The following ZNF254 variants were observed in gnomAD, a reference collection of about 807,000 sequenced individuals.
ZNF254 encodes zinc finger protein 254, also known as CTD-2017D11.1.
In ZNF254, 10 loss-of-function variants were observed where a neutral mutation model predicts 12.4. The observed-to-expected ratio is 0.80, with a 90% CI of 0.50 to 1.36. The LOEUF is 1.36. Ranked by LOEUF, ZNF254 falls within the 40% of genes most tolerant of loss-of-function variation. The pLI, the probability that ZNF254 is intolerant of heterozygous loss-of-function variation, is 0.00. For missense variants in ZNF254, 996 were observed against 763.9 expected (o/e 1.30, Z -3.58); for synonymous variants, 305 against 253.4 (o/e 1.20, Z -1.93).
At chr19:24,081,737 A>G (rs1971852396) in intron 2 of ZNF254, among the ~76,000 whole-genome samples, 1 of 152,198 alleles carries the variant, frequency 6.6e-6, no homozygotes, top group Admixed American at 6.5e-5. Flanking sequence ...AAGGGTTTAA[A>G]TATTGATTAG....
At chr19:24,080,601 G>A (rs1025900853) in intron 2 of ZNF254, 3 of 152,190 alleles carry the variant, frequency 2.0e-5, no homozygotes, top group Admixed American at 6.5e-5. Context: ...GAAGGCCGAG[G>A]TGGGTGGATG....
chr19:24,117,267 G>T lies in ZNF254; in HGVS notation c.254-8987G>T, dbSNP rs188778233. Among the ~76,000 whole-genome samples the T allele has an allele frequency of 7.9e-5, 12 of 152,242 alleles. No individual in the cohort carries two copies. In the East Asian group the frequency reaches 1.7e-3, roughly 22 times the overall value. On this transcript the variant is annotated intron_variant, in intron 3 of 3. Coordinates refer to ENST00000357002, the MANE Select transcript of ZNF254 (RefSeq NM_203282.4). ...ATTTAAGTCTGCAGAGGTTACTGCT[G>T]TCTTGTTTGTCTGTGCCCTGCCCCC...
chr19:24,071,688 G>A (rs188174856), intron 2 of ZNF254, among the ~76,000 whole-genome samples: 1 of 152,254 alleles, frequency 6.6e-6, no homozygotes, highest in Admixed American at 6.5e-5. Context: ...CAGCCTGGGT[G>A]ACAGAGTGAG....
chr19:24,118,150 T>G (rs1974233833), intron 3 of ZNF254, among the ~76,000 whole-genome samples: 1 of 151,724 alleles, frequency 6.6e-6, no homozygotes, highest in Non-Finnish European at 1.5e-5. Context: ...CCTCCCGGGT[T>G]TCAAGCGATT....
intron 2 of ZNF254, among the ~76,000 whole-genome samples, chr19:24,075,046 C>A (rs970128412): frequency 8.5e-5 from 13 of 152,186 alleles, no homozygotes; most frequent in African/African-American, 3.1e-4. Flanking sequence ...GGAACCAGCA[C>A]CTGCATAATA....
chr19:24,048,026 T>C (rs1460877856), intron 2 of ZNF254, among the ~76,000 whole-genome samples: 7 of 144,662 alleles, frequency 4.8e-5, no homozygotes, highest in Admixed American at 1.4e-4. Flanking sequence ...TTTTTTTTTT[T>C]GCGTTAGTCT....
chr19:24,107,262 A>C lies in ZNF254; in HGVS notation c.253+619A>C, dbSNP rs1599724598. 9 of 644,856 alleles carry C rather than the reference A, an allele frequency of 1.4e-5. No homozygotes were observed. The East Asian group carries it at 2.7e-4, about 20-fold the overall frequency. The allele number at this position is 644,856 out of a possible 1,614,324, so 39.9% of individuals were successfully genotyped here. A position where few individuals can be genotyped will look rare whatever the true frequency, so the allele number is the denominator to read the frequency against. On this transcript the variant is annotated intron_variant, in intron 3 of 3. Coordinates refer to ENST00000357002, the MANE Select transcript of ZNF254 (RefSeq NM_203282.4). The stretch of plus-strand genomic sequence containing the variant: ...GAAGAAAAACACTGGAATTTTGATA[A>C]GGAGTTCTTTAAATCTACAGGTCAC...
intron 2 of ZNF254, among the ~76,000 whole-genome samples, chr19:24,050,160 T>C (rs954674049): frequency 2.0e-5 from 3 of 152,078 alleles, no homozygotes; most frequent in Non-Finnish European, 4.4e-5. Flanking sequence ...ATATTTTATT[T>C]ATTTTAATTT....
intron 3 of ZNF254, among the ~76,000 whole-genome samples, chr19:24,121,591 C>T (rs915000633): frequency 2.0e-4 from 31 of 151,930 alleles, no homozygotes; most frequent in Non-Finnish European, 3.7e-4. Flanking sequence ...GAGTTTTGCT[C>T]TTCTTGACCA....
chr19:24,078,908 C>G (rs1017055286), intron 2 of ZNF254: 1 of 152,128 alleles, frequency 6.6e-6, no homozygotes, highest in African/African-American at 2.4e-5. Context: ...TCAGGGCTGT[C>G]TACAACAAAA....
At chr19:24,046,777 GT>G (rs1339112158) in intron 2 of ZNF254, among the ~76,000 whole-genome samples, 1 of 151,990 alleles carries the variant, frequency 6.6e-6, no homozygotes, top group Non-Finnish European at 1.5e-5. Context: ...AACAGCTGGT[GT>G]GGCCTCCTGG....
At chr19:24,064,958 G>A (rs1293361851) in intron 2 of ZNF254, among the ~76,000 whole-genome samples, 4 of 152,030 alleles carry the variant, frequency 2.6e-5, no homozygotes, top group African/African-American at 4.8e-5. Flanking sequence ...TTTCTGTTCC[G>A]CTTGAGCACT....
At chr19:24,101,849 T>C (rs1481628692) in intron 1 of ZNF254, among the ~76,000 whole-genome samples, 1 of 152,224 alleles carries the variant, frequency 6.6e-6, no homozygotes, top group Non-Finnish European at 1.5e-5. Flanking sequence ...ATTTTGCTTC[T>C]GTCTTAGTGT....
chr19:24,115,372 G>T (rs1179196881), intron 3 of ZNF254, among the ~76,000 whole-genome samples: 1 of 152,076 alleles, frequency 6.6e-6, no homozygotes, highest in Non-Finnish European at 1.5e-5. Flanking sequence ...CATGTCCTTT[G>T]TAGGGACATG....
rs577438895 is a variant in ZNF254, at chr19:24,036,727, C to T, written c.-190+3106C>T. Among the ~76,000 whole-genome samples the T allele has an allele frequency of 3.0e-4, 46 of 152,148 alleles. 1 individual carries two copies. Among genetic ancestry groups the T allele is most frequent in the Non-Finnish European group, 2.1e-4 (14 of 68,026 alleles). On this transcript the variant is annotated intron_variant, in intron 1 of 4. Transcript: ENST00000613065. ...TCTGCACACAGGCTGTCACAATGCA[C>T]ATTGTCCTGTGATTCCAGATCTCTT...
chr19:24,089,693 T>TCAC (rs1972250907), intron 1 of ZNF254, among the ~76,000 whole-genome samples: 1 of 152,054 alleles, frequency 6.6e-6, no homozygotes, highest in Non-Finnish European at 1.5e-5. Flanking sequence ...AAAAGGCATT[T>TCAC]CCTAGTGCAC....
chr19:24,096,880 A>G (rs1332547101), intron 1 of ZNF254, among the ~76,000 whole-genome samples: 1 of 152,212 alleles, frequency 6.6e-6, no homozygotes, highest in East Asian at 1.9e-4. Context: ...TTTTTCTCCC[A>G]TAAGCATTCT....
chr19:24,061,700 G>A (rs774519656), intron 2 of ZNF254, among the ~76,000 whole-genome samples: 9 of 152,048 alleles, frequency 5.9e-5, no homozygotes, highest in Non-Finnish European at 1.3e-4. Flanking sequence ...CATATATCTC[G>A]GCCCAGCTCA....
In ZNF254 at chr19:24,122,227, G is replaced by GT. The variant is rs553476511; in HGVS notation, c.254-4019dup. ...ACATACTGACTACCACTTTTTTCTT[G>GT]TTTTTTTTCTTTTTTGAGGTGGAGT... On this transcript the variant is annotated intron_variant, in intron 3 of 3. Coordinates refer to ENST00000357002, the MANE Select transcript of ZNF254 (RefSeq NM_203282.4). Among the ~76,000 whole-genome samples the GT allele has an allele frequency of 6.1e-3, 918 of 151,482 alleles. 7 individuals are homozygous for GT. The highest frequency in any genetic ancestry group is 0.018 in the African/African-American group (732 of 41,300).
Sources: gnomAD v4.1 joint callset for allele counts (sites outside exome capture counted in the v4.1 genomes callset) on GRCh38, gnomAD v4.1.1 for gene constraint, MANE v1.5 for transcripts, NCBI Gene and HGNC (gene_info 2026-07-23, HGNC 2026-07-21) for gene names.